DIAPH3: variants seen among roughly 807,000 people sequenced by gnomAD.
DIAPH3 encodes diaphanous related formin 3.
A neutral mutation model predicts 144.3 loss-of-function variants in DIAPH3; 117 were observed. The ratio of observed to expected loss-of-function variants is 0.81; its 90% CI spans 0.70 to 0.95. The LOEUF (loss-of-function observed/expected upper bound fraction) is 0.95, where lower values mean the gene tolerates loss of function less well. Among genes scored for constraint, DIAPH3 ranks in the 40% least tolerant of loss-of-function variants. DIAPH3 has a pLI of 0.00. For synonymous variants in DIAPH3, 519 were observed against 488.9 expected (o/e 1.06, Z -0.81); for missense variants, 1,421 against 1,412.7 (o/e 1.01, Z -0.09).
intron 15 of DIAPH3, among the ~76,000 whole-genome samples, chr13:59,971,620 G>A (rs2050383719): frequency 6.6e-6 from 1 of 152,144 alleles, no homozygotes; most frequent in African/African-American, 2.4e-5. Context: ...TTCAACAAAA[G>A]AACTTAAATG....
At chr13:60,019,584 A>G (rs1454202397) in intron 5 of DIAPH3, among the ~76,000 whole-genome samples, 1 of 144,910 alleles carries the variant, frequency 6.9e-6, no homozygotes, top group African/African-American at 2.6e-5. Context: ...GAAGAGATGA[A>G]GAGGTAATAA....
intron 20 of DIAPH3, among the ~76,000 whole-genome samples, chr13:59,898,134 C>CAAAAAAAAAAA (rs34238599): frequency 4.7e-4 from 34 of 72,174 alleles, no homozygotes; most frequent in African/African-American, 6.5e-4. Flanking sequence ...GACTCTGCCT[C>CAAAAAAAAAAA]AAAAAAAAAA....
intron 24 of DIAPH3, among the ~76,000 whole-genome samples, chr13:59,815,123 T>G (rs1379121980): frequency 6.6e-6 from 1 of 152,216 alleles, no homozygotes; most frequent in Non-Finnish European, 1.5e-5. Context: ...CAGTATGAGT[T>G]GGAGATCCAA....
Position 60,093,683 on chromosome 13 carries a change from T to G in DIAPH3, c.440A>C (p.Asp147Ala). 1 of 1,613,040 alleles carries G rather than the reference T, an allele frequency of 6.2e-7. No homozygotes were observed. Among genetic ancestry groups the G allele is most frequent in the Non-Finnish European group, 8.5e-7 (1 of 1,179,664 alleles). ...CACCATTTCTTTTTTGATACTGAAG[T>G]CCTTTTCCCGCAATGGTGCCTTTTT... ...EDKKAPLREK[D>A]FSIKKEMVMQ... The change falls in exon 4 of 28, where the codon GAC becomes GCC. Residue 147 changes from aspartate to alanine, a missense_variant. Coordinates refer to ENST00000400324, the MANE Select transcript of DIAPH3 (RefSeq NM_001042517.2).
intron 4 of DIAPH3, among the ~76,000 whole-genome samples, chr13:60,050,814 A>T (rs200302076): frequency 9.9e-5 from 15 of 151,808 alleles, no homozygotes; most frequent in Admixed American, 7.2e-4. Flanking sequence ...CAACAGACAG[A>T]AACAACGTGA....
At chr13:59,973,269 A>G (rs1167197095) in intron 15 of DIAPH3, among the ~76,000 whole-genome samples, 3 of 152,282 alleles carry the variant, frequency 2.0e-5, no homozygotes, top group East Asian at 3.9e-4. Flanking sequence ...TCAACTGAAC[A>G]TAATTAAAAA....
At chr13:59,982,369 G>C (rs1465556992) in intron 13 of DIAPH3, among the ~76,000 whole-genome samples, 2 of 151,094 alleles carry the variant, frequency 1.3e-5, no homozygotes, top group Non-Finnish European at 3.0e-5. Context: ...ATTTTAGTTT[G>C]CTGCATATTT....
At chr13:59,986,967 A>C (rs1303833239) in intron 12 of DIAPH3, among the ~76,000 whole-genome samples, 2 of 151,590 alleles carry the variant, frequency 1.3e-5, no homozygotes, top group Non-Finnish European at 2.9e-5. Context: ...CAGCCATCCC[A>C]TTACTGGGTA....
rs1365076841 is a variant in DIAPH3, at chr13:59,862,989, T to C, written c.2608-1453A>G. On this transcript the variant is annotated intron_variant, in intron 21 of 27. Coordinates refer to ENST00000400324, the MANE Select transcript of DIAPH3 (RefSeq NM_001042517.2). ...CTTGTGACCCCTTTCCTCCCAAAGC[T>C]AATTAGTTGATCAAATTAACATAAA... 2.6e-5 allele frequency among the ~76,000 whole-genome samples: 4 copies of C among 152,154 alleles called. No homozygotes were observed. The East Asian group carries it at 7.7e-4, about 29-fold the overall frequency.
chr13:59,855,704 C>A (rs1372974266), intron 22 of DIAPH3, among the ~76,000 whole-genome samples: 2 of 151,180 alleles, frequency 1.3e-5, no homozygotes, highest in African/African-American at 2.4e-5. Context: ...CTTGGATATA[C>A]TAAATACTTT....
At chr13:59,839,783 A>T (rs1427966251) in intron 22 of DIAPH3, among the ~76,000 whole-genome samples, 1 of 152,204 alleles carries the variant, frequency 6.6e-6, no homozygotes, top group Non-Finnish European at 1.5e-5. Context: ...AACATTTTTT[A>T]AAATTGGACT....
At chr13:59,778,382 C>A (rs1417490051) in intron 25 of DIAPH3, among the ~76,000 whole-genome samples, 1 of 152,218 alleles carries the variant, frequency 6.6e-6, no homozygotes, top group African/African-American at 2.4e-5. Context: ...ATCTTCAACA[C>A]CTGGCAAAAT....
chr13:59,743,589 C>A (rs1431854119), intron 27 of DIAPH3, among the ~76,000 whole-genome samples: 1 of 152,072 alleles, frequency 6.6e-6, no homozygotes, highest in African/African-American at 2.4e-5. Context: ...GCAAATATTC[C>A]TTTTCTGAAC....
intron 12 of DIAPH3, among the ~76,000 whole-genome samples, chr13:59,984,313 G>A (rs1018671532): frequency 6.6e-6 from 1 of 151,538 alleles, no homozygotes; most frequent in African/African-American, 2.4e-5. Context: ...GGGAGTATGT[G>A]GTATACTGTT....
At chr13:59,778,538 T>C (rs1484645462) in intron 25 of DIAPH3, among the ~76,000 whole-genome samples, 1 of 152,230 alleles carries the variant, frequency 6.6e-6, no homozygotes, top group Non-Finnish European at 1.5e-5. Flanking sequence ...ATAAAGCTCA[T>C]AGATGGACAG....
At chr13:59,883,397 G>A (rs372682195) in intron 20 of DIAPH3, among the ~76,000 whole-genome samples, 7 of 150,956 alleles carry the variant, frequency 4.6e-5, no homozygotes, top group Non-Finnish European at 7.4e-5. Context: ...TTTTTCCCCC[G>A]TCCTACTATG....
chr13:59,855,646 A>G (rs2043214329), intron 22 of DIAPH3, among the ~76,000 whole-genome samples: 1 of 152,022 alleles, frequency 6.6e-6, no homozygotes, highest in African/African-American at 2.4e-5. Context: ...TGGCTTTACG[A>G]ACATAGGTTT....
chr13:59,971,945 T>G (rs750562116), intron 15 of DIAPH3, among the ~76,000 whole-genome samples: 1 of 152,234 alleles, frequency 6.6e-6, no homozygotes, highest in Non-Finnish European at 1.5e-5. Flanking sequence ...ACCACTCATT[T>G]TACACTGATA....
intron 22 of DIAPH3, among the ~76,000 whole-genome samples, chr13:59,847,713 G>A (rs987099962): frequency 6.6e-6 from 1 of 152,122 alleles, no homozygotes; most frequent in Admixed American, 6.5e-5. Flanking sequence ...TTGTCACAGG[G>A]GAAATGTTAA....
Sources: allele counts gnomAD v4.1 joint callset (sites outside exome capture counted in the v4.1 genomes callset), GRCh38; gene constraint gnomAD v4.1.1; transcripts MANE v1.5; gene names NCBI Gene and HGNC (gene_info 2026-07-23, HGNC 2026-07-21).